The following SNX17 variants were observed in gnomAD, a reference collection of about 807,000 sequenced individuals.
SNX17 encodes sorting nexin-17.
In SNX17, 35 loss-of-function variants were observed where a neutral mutation model predicts 64.3. The observed-to-expected ratio is 0.54, with a 90% CI of 0.42 to 0.72. SNX17 has a LOEUF of 0.72. SNX17 is among the 30% of genes least tolerant of loss of function. The pLI is 0.00. For missense variants in SNX17, 538 were observed against 610.0 expected, an observed-to-expected ratio of 0.88 and a Z score of 1.24; for synonymous variants, 259 against 230.2, an observed-to-expected ratio of 1.13 and a Z score of -1.13.
In SNX17 at chr2:27,376,755, G is replaced by T. The variant is rs1038218401; in HGVS notation, c.*36G>T. On this transcript the variant is annotated 3_prime_UTR_variant, in exon 15 of 15. Coordinates refer to ENST00000233575, the MANE Select transcript of SNX17 (RefSeq NM_014748.4). Reference sequence around the variant, plus strand: ...TTGGATGTCTGCCCTCTACCCCAGAGGAATTTACAGAAACTTGCCCTGTGC... The same window carrying T: ...TTGGATGTCTGCCCTCTACCCCAGATGAATTTACAGAAACTTGCCCTGTGC... 6.4e-7 allele frequency: 1 copy of T among 1,572,198 alleles called. No homozygotes were observed. Among genetic ancestry groups the T allele is most frequent in the Non-Finnish European group, 8.7e-7 (1 of 1,143,920 alleles).
Position 27,376,630 on chromosome 2 carries a change from C to T in SNX17, c.1324C>T (p.Arg442Trp), listed in dbSNP as rs754654764. Residue 442 changes from arginine (R) to tryptophan (W), a missense_variant, in exon 15 of 15, where the codon CGG becomes TGG. Physicochemically the swap from Arg to Trp is moderately radical, Grantham distance 101. Transcript: ENST00000233575. ...GAGTAAGCTGAGTGCCGTGAGCTTG[C>T]GGGGAATTGGCAGTCCCAGCACAGA... is the stretch of plus-strand genomic sequence containing the variant. ...LSSKLSAVSL[R>W]GIGSPSTDAS... 6 of 1,614,192 alleles carry T rather than the reference C, an allele frequency of 3.7e-6. No homozygotes were observed. Among genetic ancestry groups the T allele is most frequent in the Admixed American group, 3.3e-5 (2 of 60,022 alleles).
intron 4 of SNX17, 76 bp from the exon 5 acceptor site, chr2:27,373,785 C>A (rs1558303484): frequency 1.0e-6 from 1 of 985,688 alleles, no homozygotes; most frequent in Non-Finnish European, 1.6e-6. Flanking sequence ...ACACAAGGGA[C>A]CTAGAAATAG....
intron 6 of SNX17, 73 bp downstream of exon 6, chr2:27,374,248 C>T: frequency 6.7e-7 from 1 of 1,503,082 alleles, no homozygotes; most frequent in Non-Finnish European, 9.3e-7. Context: ...ACTCCCCACC[C>T]CCACCCCCAG....
At position 27,372,908 on chromosome 2, in the gene SNX17, T is replaced by C. The variant is rs146744823; in HGVS notation, c.256+168T>C. On this transcript the variant is annotated intron_variant, in intron 3 of 14. Coordinates refer to ENST00000233575, the MANE Select transcript of SNX17 (RefSeq NM_014748.4). ...AATAGTGTACGAGGATGTGTAACTC[T>C]GTGTACTAGCAAAACAATTTGGGCA... 2.4e-6 allele frequency: 3 copies of C among 1,233,872 alleles called. No individual in the cohort carries two copies. In the African/African-American group the frequency reaches 4.5e-5, roughly 18 times the overall value. The allele number at this position is 1,233,872 out of a possible 1,614,324, so 76.4% of individuals were successfully genotyped here.
Position 27,372,658 on chromosome 2 carries a change from A to G in SNX17, c.174A>G (p.Ala58=), listed in dbSNP as rs773096606. ...AGTATGGGGCCAATGTGCTTCCTGC[A>G]TTCCCCCCAAAGAAGCTTTTCTCTC... ...RKEYGANVLP[A]FPPKKLFSLT... Residue 58 remains alanine, a synonymous_variant, in exon 3 of 15, where the codon GCA becomes GCG. Transcript: ENST00000233575. 4 of 1,614,078 alleles carry G rather than the reference A, an allele frequency of 2.5e-6. No individual in the cohort carries two copies. The highest frequency in any genetic ancestry group is 1.1e-5 in the South Asian group (1 of 91,084).
At chr2:27,372,803 G>T in intron 3 of SNX17, 63 bp downstream of exon 3, 10 of 1,598,520 alleles carry the variant, frequency 6.3e-6, no homozygotes, top group Non-Finnish European at 8.6e-6. Flanking sequence ...CTTAAAAACA[G>T]CTGGTTCTGT....
chr2:27,371,932 T>A (rs1682629837), intron 2 of SNX17, among the ~76,000 whole-genome samples: 1 of 152,238 alleles, frequency 6.6e-6, no homozygotes, highest in African/African-American at 2.4e-5. Context: ...TTGCCCAGGC[T>A]GGAGTGCAGT....
chr2:27,377,381 C>G lies in SNX17; in HGVS notation c.*662C>G, dbSNP rs1004503387. 1.3e-6 allele frequency: 1 copy of G among 778,706 alleles called. No individual in the cohort carries two copies. The highest frequency in any genetic ancestry group is 2.2e-6 in the Non-Finnish European group (1 of 454,948). 48.2% of individuals were successfully genotyped at this position (778,706 alleles called of 1,614,324 possible). A position where few individuals can be genotyped will look rare whatever the true frequency, so the allele number is the denominator to read the frequency against. ...CCTTCTCACTGAGCTCGTGAAGTGC[C>G]TCAGTCAAGGCAAGGTCCCCTGGTC... On this transcript the variant is annotated 3_prime_UTR_variant, in exon 15 of 15. Transcript: ENST00000233575. This position sits in a 1 kb window ranked among gnomAD's most constrained non-coding sequence, Gnocchi z 4.4.
At chr2:27,371,694 T>C in intron 2 of SNX17, 1 of 203,370 alleles carries the variant, frequency 4.9e-6, no homozygotes, top group Non-Finnish European at 1.0e-5. Flanking sequence ...CTTGAAATTC[T>C]TTTCCCTGCT....
intron 6 of SNX17, 36 bp from the exon 7 acceptor site, chr2:27,374,310 T>G: frequency 6.3e-7 from 1 of 1,589,738 alleles, no homozygotes; most frequent in Non-Finnish European, 8.6e-7. Flanking sequence ...CCTTTAAATC[T>G]CACTATATTT....
chr2:27,376,655 A>G lies in SNX17; in HGVS notation c.1349A>G (p.Asp450Gly), dbSNP rs980364603. Residue 450 changes from aspartate (D) to glycine (G), a missense_variant, in exon 15 of 15, where the codon GAT becomes GGT. Asp to Gly is a moderately conservative substitution (Grantham distance 94). This residue lies in a region of SNX17 where 505 missense variants were observed against 550.4 expected (regional missense o/e 0.92). Transcript: ENST00000233575. ...CGGGGAATTGGCAGTCCCAGCACAG[A>G]TGCCAGTGCCAGTGATGTCCACGGC... ...SLRGIGSPSTDASASDVHGNF... is the reference protein window; with the variant it reads ...SLRGIGSPSTGASASDVHGNF... 3.1e-6 allele frequency: 5 copies of G among 1,614,188 alleles called. No homozygotes were observed. The highest frequency in any genetic ancestry group is 2.2e-5 in the East Asian group (1 of 44,878).
chr2:27,372,935 T>C, intron 3 of SNX17, 195 bp downstream of exon 3: 1 of 1,305,594 alleles, frequency 7.7e-7, no homozygotes, highest in African/African-American at 1.5e-5. Flanking sequence ...ATTTGGGCAC[T>C]AACATCTATG....
At position 27,374,381 on chromosome 2, in the gene SNX17, G is replaced by A. The variant is rs751783206; in HGVS notation, c.559G>A (p.Val187Met). Reference sequence around the variant, plus strand: ...GTTGCAAGAGTTTGAGCTGCCTTATGTGTCTGTCACCAGCCTTCGGAGTCA... The same window carrying A: ...GTTGCAAGAGTTTGAGCTGCCTTATATGTCTGTCACCAGCCTTCGGAGTCA... The part of the protein sequence containing the change: ...RKLQEFELPY[V>M]SVTSLRSQEY... The change falls in exon 7 of 15, where the codon GTG becomes ATG. Residue 187 changes from valine to methionine, a missense_variant. This residue lies in a region of SNX17 where 505 missense variants were observed against 550.4 expected (regional missense o/e 0.92). Coordinates refer to ENST00000233575, the MANE Select transcript of SNX17 (RefSeq NM_014748.4). 6.2e-7 allele frequency: 1 copy of A among 1,612,580 alleles called. No homozygotes were observed. Among genetic ancestry groups the A allele is most frequent in the Middle Eastern group, 1.7e-4 (1 of 6,060 alleles).
At chr2:27,372,540 A>G (rs1572629494) in intron 2 of SNX17, 83 bp from the exon 3 acceptor site, 3 of 1,602,478 alleles carry the variant, frequency 1.9e-6, no homozygotes, top group Non-Finnish European at 8.5e-7. Flanking sequence ...AGGGGCACCC[A>G]AGAGAACATT....
rs753501924 is a variant in SNX17 at position 27,375,620 on chromosome 2, C to T, written c.889C>T (p.Leu297Phe). 6.2e-6 allele frequency: 10 copies of T among 1,614,050 alleles called. No homozygotes were observed. In the Admixed American group the frequency reaches 1.2e-4, roughly 19 times the overall value. The change falls in exon 10 of 15, where the codon CTC becomes TTC. Residue 297 changes from leucine to phenylalanine, a missense_variant. Leu to Phe is a conservative substitution (Grantham distance 22). This residue lies in a region of SNX17 where 505 missense variants were observed against 550.4 expected (regional missense o/e 0.92). Coordinates refer to ENST00000233575, the MANE Select transcript of SNX17 (RefSeq NM_014748.4). This position sits in a 1 kb window ranked among gnomAD's most constrained non-coding sequence, Gnocchi z 4.1. Reference sequence around the variant, plus strand: ...GGTGGTGAGCGCGGGCAACAGTGAGCTCAGCCTGCAGCTCCGCCTGCCTGG... The same window carrying T: ...GGTGGTGAGCGCGGGCAACAGTGAGTTCAGCCTGCAGCTCCGCCTGCCTGG... ...PVVVSAGNSE[L>F]SLQLRLPGQQ... is the part of the protein sequence containing the mutation.
chr2:27,370,819 C>T lies in SNX17; in HGVS notation c.63+13C>T, dbSNP rs752739476. The T allele has an allele frequency of 6.5e-6, 10 of 1,539,224 alleles. No individual in the cohort carries two copies. The South Asian group carries it at 9.6e-5, about 15-fold the overall frequency. Reference sequence around the variant, plus strand: ...CTCCGCCTACGTGGTGAGGAGCGGCCGGAGCCGAGCCGGGCCGGGCAGGGG... The same window carrying T: ...CTCCGCCTACGTGGTGAGGAGCGGCTGGAGCCGAGCCGGGCCGGGCAGGGG... On this transcript the variant is annotated intron_variant, in intron 1 of 14. Coordinates refer to ENST00000233575, the MANE Select transcript of SNX17 (RefSeq NM_014748.4).
In SNX17 at chr2:27,375,434, G is replaced by C. The variant is rs575133615; in HGVS notation, c.775-72G>C. 6.4e-7 allele frequency: 1 copy of C among 1,554,940 alleles called. No homozygotes were observed. The highest frequency in any genetic ancestry group is 1.4e-5 in the African/African-American group (1 of 73,812). On this transcript the variant is annotated intron_variant, in intron 9 of 14. Transcript: ENST00000233575. This position sits in a 1 kb window ranked among gnomAD's most constrained non-coding sequence, Gnocchi z 4.1. ...ATTATAGGCATGAGCCACCGCGCCCGACCGGGGTTGCTTTTTCTGAGCTGC... is the reference window on the plus strand; with the variant it reads ...ATTATAGGCATGAGCCACCGCGCCCCACCGGGGTTGCTTTTTCTGAGCTGC...
Position 27,374,732 on chromosome 2 carries a change from G to T in SNX17, c.655G>T (p.Val219Phe), listed in dbSNP as rs201646831. ...TGATGACGATGTCATGGAGAACCGG[G>T]TTGGCCTGAACCTGCTTTATGCTCA... ...AYDDDVMENR[V>F]GLNLLYAQTV... Residue 219 changes from valine (V) to phenylalanine (F), a missense_variant, in exon 8 of 15, where the codon GTT becomes TTT. Val to Phe is a conservative substitution (Grantham distance 50, BLOSUM62 -1). This residue lies in a region of SNX17 where 505 missense variants were observed against 550.4 expected (regional missense o/e 0.92). Coordinates refer to ENST00000233575, the MANE Select transcript of SNX17 (RefSeq NM_014748.4). The T allele has an allele frequency of 6.2e-7, 1 of 1,614,116 alleles. No homozygotes were observed.
At position 27,376,279 on chromosome 2, in the gene SNX17, C is replaced by G. The variant is rs772897705; in HGVS notation, c.1183-34C>G. On this transcript the variant is annotated intron_variant, in intron 12 of 14. Coordinates refer to ENST00000233575, the MANE Select transcript of SNX17 (RefSeq NM_014748.4). Reference sequence around the variant, plus strand: ...TGTCTTGAGAGGGAGGGGAAGTGATCCTGCCCTCACCGGCACCTTGTGTCT... The same window carrying G: ...TGTCTTGAGAGGGAGGGGAAGTGATGCTGCCCTCACCGGCACCTTGTGTCT... The G allele has an allele frequency of 6.8e-6, 11 of 1,611,332 alleles. No homozygotes were observed. In the South Asian group the frequency reaches 1.2e-4, roughly 18 times the overall value.
Sources: gnomAD v4.1 joint callset for allele counts (sites outside exome capture counted in the v4.1 genomes callset) on GRCh38, gnomAD v4.1.1 for gene constraint, gnomAD v4.1.1 regional missense constraint, Gnocchi (gnomAD v3.1) non-coding constraint, MANE v1.5 for transcripts, NCBI Gene and HGNC (gene_info 2026-07-23, HGNC 2026-07-21) for gene names.